CEP70: variants seen among roughly 807,000 people sequenced by gnomAD.
CEP70 encodes the protein centrosomal protein 70, also known as centrosomal protein of 70 kDa.
In CEP70, 70 loss-of-function variants were observed where a neutral mutation model predicts 90.9. That is an observed-to-expected ratio of 0.77 (90% CI 0.64 to 0.94). The LOEUF is 0.94. CEP70 is among the 40% of genes least tolerant of loss of function. The probability of loss-of-function intolerance (pLI) is 0.00; values close to 1 mark genes in which losing one functional copy is unlikely to be tolerated. For synonymous variants in CEP70, 220 were observed against 228.3 expected (o/e 0.96, Z 0.33); for missense variants, 648 against 669.0 (o/e 0.97, Z 0.35).
At chr3:138,524,320 G>A (rs2036986424) in intron 11 of CEP70, among the ~76,000 whole-genome samples, 1 of 151,764 alleles carries the variant, frequency 6.6e-6, no homozygotes, top group Admixed American at 6.6e-5. Context: ...CATGGGCAAG[G>A]ACTTCATGTC....
intron 6 of CEP70, among the ~76,000 whole-genome samples, chr3:138,561,592 C>A (rs2040410957): frequency 6.6e-6 from 1 of 152,082 alleles, no homozygotes; most frequent in African/African-American, 2.4e-5. Flanking sequence ...ACAAATTCCT[C>A]TGAGCTAAAG....
At position 138,591,889 on chromosome 3, in the gene CEP70, TG is replaced by T; in HGVS notation, c.-42del. The T allele has an allele frequency of 6.6e-7, 1 of 1,505,156 alleles. No individual in the cohort carries two copies. Among genetic ancestry groups the T allele is most frequent in the Non-Finnish European group, 8.8e-7 (1 of 1,131,286 alleles). The allele number at this position is 1,505,156 out of a possible 1,614,324, so 93.2% of individuals were successfully genotyped here. Reference sequence around the variant, plus strand: ...GCATATTACTCTTGCACTTTACACCTGGTCATTCAGGTTGATCTCAATGAAA... The same window carrying T: ...GCATATTACTCTTGCACTTTACACCTGTCATTCAGGTTGATCTCAATGAAA... On this transcript the variant is annotated 5_prime_UTR_variant, in exon 2 of 18. It removes the in-frame stop codon of an upstream open reading frame in the 5' UTR. Transcript: ENST00000264982.
At chr3:138,524,820 T>C (rs2037045140) in intron 11 of CEP70, among the ~76,000 whole-genome samples, 1 of 152,238 alleles carries the variant, frequency 6.6e-6, no homozygotes. Context: ...TTGGTGGAAC[T>C]GTAAACTAGT....
At chr3:138,495,959 C>G (rs1360095658) in intron 17 of CEP70, 1 of 985,224 alleles carries the variant, frequency 1.0e-6, no homozygotes, top group Non-Finnish European at 1.2e-6. Flanking sequence ...ACCAGATAAA[C>G]CAATCCAGGC....
At chr3:138,507,097 G>A (rs2035056844) in intron 12 of CEP70, among the ~76,000 whole-genome samples, 1 of 152,080 alleles carries the variant, frequency 6.6e-6, no homozygotes, top group Non-Finnish European at 1.5e-5. Flanking sequence ...GAAACAAAAT[G>A]AAATCCAGTT....
intron 6 of CEP70, among the ~76,000 whole-genome samples, chr3:138,546,736 G>A (rs552191245): frequency 2.0e-5 from 3 of 151,862 alleles, no homozygotes; most frequent in Non-Finnish European, 2.9e-5. Flanking sequence ...GTGACAAAGC[G>A]AGTCTCCATC....
intron 11 of CEP70, among the ~76,000 whole-genome samples, chr3:138,521,915 G>A (rs548285700): frequency 6.6e-6 from 1 of 152,202 alleles, no homozygotes; most frequent in Non-Finnish European, 1.5e-5. Context: ...GTAGACATAG[G>A]AGACTCCATT....
At chr3:138,543,209 T>C (rs2038903063) in intron 6 of CEP70, among the ~76,000 whole-genome samples, 1 of 152,120 alleles carries the variant, frequency 6.6e-6, no homozygotes, top group Non-Finnish European at 1.5e-5. Context: ...CTCACCACCA[T>C]CAACATGCCA....
In CEP70 at chr3:138,529,365, G is replaced by T; in HGVS notation, c.780+10C>A. 6.3e-7 allele frequency: 1 copy of T among 1,590,006 alleles called. No homozygotes were observed. Among genetic ancestry groups the T allele is most frequent in the Non-Finnish European group, 8.6e-7 (1 of 1,163,282 alleles). ...TTAAAAAGTATTTATTAGTTATGCA[G>T]TCCCCATACCATTAAAAGGCCTTTA... is the stretch of plus-strand genomic sequence containing the variant. On this transcript the variant is annotated intron_variant, in intron 9 of 17. Transcript: ENST00000264982.
At chr3:138,563,103 C>T (rs890469462) in intron 6 of CEP70, among the ~76,000 whole-genome samples, 1 of 151,690 alleles carries the variant, frequency 6.6e-6, no homozygotes, top group Non-Finnish European at 1.5e-5. Flanking sequence ...TCAAAAGAGA[C>T]AAGGGCATTG....
At chr3:138,559,611 G>A (rs2040253829) in intron 6 of CEP70, among the ~76,000 whole-genome samples, 1 of 152,150 alleles carries the variant, frequency 6.6e-6, no homozygotes, top group African/African-American at 2.4e-5. Flanking sequence ...TGTAATCCCA[G>A]CTACTCAGGT....
At chr3:138,544,722 C>A (rs1253282008) in intron 6 of CEP70, among the ~76,000 whole-genome samples, 1 of 152,046 alleles carries the variant, frequency 6.6e-6, no homozygotes, top group East Asian at 1.9e-4. Flanking sequence ...GAATATTATT[C>A]AGCCATAAAA....
intron 11 of CEP70, among the ~76,000 whole-genome samples, chr3:138,522,190 T>C (rs1319108108): frequency 1.3e-5 from 2 of 151,908 alleles, no homozygotes; most frequent in African/African-American, 2.4e-5. Flanking sequence ...AGACCTTTGT[T>C]CACATGTTTA....
intron 2 of CEP70, among the ~76,000 whole-genome samples, chr3:138,574,450 G>A (rs1339258631): frequency 6.6e-6 from 1 of 152,186 alleles, no homozygotes; most frequent in Non-Finnish European, 1.5e-5. Flanking sequence ...AGCTTGAACT[G>A]GGTAGAGCCC....
intron 8 of CEP70, among the ~76,000 whole-genome samples, chr3:138,530,346 G>C (rs529192939): frequency 3.3e-5 from 5 of 152,186 alleles, no homozygotes; most frequent in African/African-American, 1.2e-4. Context: ...ATCACATAAA[G>C]TATTACTATT....
chr3:138,498,533 AC>A (rs2108654730), intron 16 of CEP70, among the ~76,000 whole-genome samples: 1 of 151,238 alleles, frequency 6.6e-6, no homozygotes, highest in East Asian at 2.0e-4. Context: ...ACGGGGTTTC[AC>A]CGTGTTAGCC....
chr3:138,541,402 GAAAGAA>G (rs541045727), intron 6 of CEP70, among the ~76,000 whole-genome samples: 24 of 141,578 alleles, frequency 1.7e-4, no homozygotes, highest in East Asian at 1.0e-3. Context: ...ACGTGGTGCT[GAAAGAA>G]AAAGAAAAAG....
chr3:138,518,500 C>A (rs561293981), intron 11 of CEP70, among the ~76,000 whole-genome samples: 3 of 152,154 alleles, frequency 2.0e-5, no homozygotes, highest in Non-Finnish European at 4.4e-5. Flanking sequence ...GAAGAATGAT[C>A]GGGCAGCAAC....
intron 6 of CEP70, among the ~76,000 whole-genome samples, chr3:138,539,473 T>C (rs1286260108): frequency 1.3e-5 from 2 of 151,970 alleles, no homozygotes; most frequent in Non-Finnish European, 2.9e-5. Context: ...TAAAAAGGTA[T>C]TGAAATAATA....
Sources: allele counts gnomAD v4.1 joint callset (sites outside exome capture counted in the v4.1 genomes callset), GRCh38; gene constraint gnomAD v4.1.1; transcripts MANE v1.5; gene names NCBI Gene and HGNC (gene_info 2026-07-23, HGNC 2026-07-21).